Variants in LYRM4 observed in about 807,000 individuals in gnomAD.
The protein encoded by LYRM4 is LYR motif-containing protein 4.
Under a neutral mutation model 11.7 loss-of-function variants are expected in LYRM4, and 9 were observed. That is an observed-to-expected ratio of 0.77 (90% CI 0.46 to 1.34). LYRM4 has a LOEUF of 1.34. Ranked by LOEUF, LYRM4 falls within the 40% of genes most tolerant of loss-of-function variation. LYRM4 has a pLI of 0.00. For missense variants in LYRM4, 133 were observed against 112.5 expected, an observed-to-expected ratio of 1.18 and a Z score of -0.82; for synonymous variants, 42 against 40.4, an observed-to-expected ratio of 1.04 and a Z score of -0.15.
the LYRM4 span, among the ~76,000 whole-genome samples, chr6:5,051,473 C>A: frequency 3.9e-5 from 6 of 152,154 alleles, no homozygotes; most frequent in Non-Finnish European, 1.5e-5. Flanking sequence ...AAGCAGATTT[C>A]TCATCAGAAA....
At chr6:5,031,778 A>G in the LYRM4 span, 3 of 152,210 alleles carry the variant, frequency 2.0e-5, no homozygotes, top group African/African-American at 7.2e-5. Flanking sequence ...CTCTTTATTA[A>G]CTATGAATAA....
chr6:5,092,752 C>T, the LYRM4 span, among the ~76,000 whole-genome samples: 1,593 of 148,920 alleles, frequency 0.011, 21 homozygotes, highest in African/African-American at 0.038. Context: ...TTCAGAACCA[C>T]TGTAAGTAGG....
At chr6:5,191,237 G>T (rs1025145441) in intron 2 of LYRM4, among the ~76,000 whole-genome samples, 4 of 152,102 alleles carry the variant, frequency 2.6e-5, no homozygotes, top group African/African-American at 9.7e-5. Context: ...AAAAGTTCAC[G>T]ATGCATTTGG....
At chr6:5,159,455 G>GA in intron 2 of LYRM4, among the ~76,000 whole-genome samples, 1 of 152,222 alleles carries the variant, frequency 6.6e-6, no homozygotes, top group South Asian at 2.1e-4. Flanking sequence ...CAGAAGAAGG[G>GA]ATGGAAAGGA....
intron 2 of LYRM4, among the ~76,000 whole-genome samples, chr6:5,119,615 C>A (rs542781923): frequency 1.3e-5 from 2 of 151,888 alleles, no homozygotes; most frequent in Non-Finnish European, 1.5e-5. Flanking sequence ...GACAAGACCC[C>A]GTCGCTACTA....
Position 5,108,615 on chromosome 6 carries a change from C to G in LYRM4, c.*808G>C, listed in dbSNP as rs1762740152. 1 of 355,958 alleles carries G rather than the reference C, an allele frequency of 2.8e-6. No individual in the cohort carries two copies. The highest frequency in any genetic ancestry group is 3.9e-6 in the Non-Finnish European group (1 of 254,206). 22.0% of individuals were successfully genotyped at this position (355,958 alleles called of 1,614,324 possible). A position where few individuals can be genotyped will look rare whatever the true frequency, so the allele number is the denominator to read the frequency against. The stretch of plus-strand genomic sequence containing the variant: ...TCTTTTTAAAAAGCTCTCCAACTCT[C>G]CAGGTGCTTCTGTCCACCAGCCAGA... On this transcript the variant is annotated 3_prime_UTR_variant, in exon 3 of 3. Transcript: ENST00000330636.
intron 2 of LYRM4, among the ~76,000 whole-genome samples, chr6:5,167,556 GC>G (rs374876802): frequency 1.3e-5 from 2 of 152,294 alleles, no homozygotes; most frequent in Non-Finnish European, 2.9e-5. Context: ...TTCATGTGGT[GC>G]TGGGCACGCA....
chr6:5,038,940 GC>G, the LYRM4 span, among the ~76,000 whole-genome samples: 2 of 11,802 alleles, frequency 1.7e-4, no homozygotes, highest in South Asian at 3.6e-3. Context: ...GAGAGCTTTA[GC>G]TTGTATTTTT....
At chr6:5,161,135 TC>T (rs1758736541) in intron 2 of LYRM4, among the ~76,000 whole-genome samples, 1 of 152,166 alleles carries the variant, frequency 6.6e-6, no homozygotes. Context: ...ATGAAAATAT[TC>T]CACCTTATAT....
chr6:5,183,644 C>A (rs1333720426), intron 2 of LYRM4, among the ~76,000 whole-genome samples: 1 of 152,212 alleles, frequency 6.6e-6, no homozygotes, highest in Non-Finnish European at 1.5e-5. Flanking sequence ...CCACACCCCT[C>A]TTCTCCCCCT....
chr6:5,127,303 T>C (rs1211340447), intron 2 of LYRM4, among the ~76,000 whole-genome samples: 2 of 152,200 alleles, frequency 1.3e-5, no homozygotes, highest in African/African-American at 4.8e-5. Context: ...CAGGATGGTC[T>C]TGAACTCCTG....
intron 1 of LYRM4, among the ~76,000 whole-genome samples, chr6:5,227,961 C>T (rs764180644): frequency 6.6e-6 from 1 of 152,236 alleles, no homozygotes; most frequent in East Asian, 1.9e-4. Flanking sequence ...GGGAGGGGAA[C>T]ATCACACACC....
chr6:5,180,203 G>A (rs776340023), intron 2 of LYRM4, among the ~76,000 whole-genome samples: 12 of 152,138 alleles, frequency 7.9e-5, no homozygotes, highest in Non-Finnish European at 1.0e-4. Flanking sequence ...GGATTCTTCC[G>A]CAGTTTACAC....
chr6:5,100,970 C>T (rs1230454949), downstream of LYRM4, among the ~76,000 whole-genome samples: 1 of 152,200 alleles, frequency 6.6e-6, no homozygotes, highest in Non-Finnish European at 1.5e-5. Context: ...CCTCTGCCAG[C>T]CCCTAGTCCC....
chr6:5,158,442 T>G (rs1403849618), intron 2 of LYRM4, among the ~76,000 whole-genome samples: 1 of 151,128 alleles, frequency 6.6e-6, no homozygotes, highest in Admixed American at 6.6e-5. Flanking sequence ...TTTATTTCTC[T>G]GGTCTGCAGG....
At chr6:5,077,495 G>A in the LYRM4 span, among the ~76,000 whole-genome samples, 1 of 152,144 alleles carries the variant, frequency 6.6e-6, no homozygotes, top group African/African-American at 2.4e-5. Context: ...CTGTTCATCA[G>A]TTAGAATCCT....
intron 2 of LYRM4, among the ~76,000 whole-genome samples, chr6:5,148,519 G>GGGCGCAGAGTCAGAAC (rs1349462777): frequency 1.9e-4 from 8 of 42,974 alleles, no homozygotes; most frequent in Non-Finnish European, 3.4e-4. Flanking sequence ...GCTGGGCTGG[G>GGGCGCAGAGTCAGAAC]TATACGCCTT....
At chr6:5,067,009 G>A in the LYRM4 span, 1 of 685,468 alleles carries the variant, frequency 1.5e-6, no homozygotes, top group Non-Finnish European at 2.1e-6. Flanking sequence ...CCCGCTCCAA[G>A]GATTACCGGG....
chr6:5,103,169 C>T (rs1460180801), downstream of LYRM4: 1 of 152,236 alleles, frequency 6.6e-6, no homozygotes, highest in Non-Finnish European at 1.5e-5. Flanking sequence ...CCTGCTGAAT[C>T]GTAAGCCATT....
Sources: allele counts gnomAD v4.1 joint callset (sites outside exome capture counted in the v4.1 genomes callset), GRCh38; gene constraint gnomAD v4.1.1; transcripts MANE v1.5; gene names NCBI Gene and HGNC (gene_info 2026-07-23, HGNC 2026-07-21).